The following SLC39A11 variants were observed in gnomAD, a reference collection of about 807,000 sequenced individuals.
The protein encoded by SLC39A11 is zinc transporter ZIP11.
SLC39A11 carries 33 observed loss-of-function variants against 36.1 expected under a neutral mutation model. The observed-to-expected ratio is 0.91, with a 90% CI of 0.69 to 1.22. SLC39A11 has a LOEUF of 1.22. SLC39A11 is among the 50% of genes most tolerant of loss of function. The pLI is 0.00. For synonymous variants in SLC39A11, 166 were observed against 170.3 expected, an observed-to-expected ratio of 0.97 and a Z score of 0.20; for missense variants, 432 against 430.3, an observed-to-expected ratio of 1.00 and a Z score of -0.03.
chr17:72,776,064 T>C (rs1324949104), intron 6 of SLC39A11, among the ~76,000 whole-genome samples: 1 of 152,204 alleles, frequency 6.6e-6, no homozygotes, highest in Non-Finnish European at 1.5e-5. Flanking sequence ...GGAATACAGA[T>C]GGGCAGACCC....
chr17:72,838,733 A>G (rs925316934), intron 6 of SLC39A11, among the ~76,000 whole-genome samples: 2 of 152,182 alleles, frequency 1.3e-5, no homozygotes, highest in African/African-American at 4.8e-5. Flanking sequence ...CATGTGTGAG[A>G]TGGAGTAGGG....
rs911736264 is a variant in SLC39A11 at position 72,666,630 on chromosome 17, G to C, written c.672-17362C>G. ...ATACCTTCACTTATCCTTGGGGCAT[G>C]TGGCCCAAGTTCAAAGCTGAACACC... On this transcript the variant is annotated intron_variant, in intron 7 of 9. Coordinates refer to ENST00000255559, the MANE Select transcript of SLC39A11 (RefSeq NM_139177.4). Among the ~76,000 whole-genome samples the C allele has an allele frequency of 5.3e-5, 8 of 152,320 alleles. No individual in the cohort carries two copies. The South Asian group carries it at 1.7e-3, about 32-fold the overall frequency.
At chr17:72,993,333 AG>A (rs892067990) in intron 4 of SLC39A11, among the ~76,000 whole-genome samples, 45 of 152,232 alleles carry the variant, frequency 3.0e-4, no homozygotes, top group African/African-American at 1.1e-3. Context: ...ACCTCAATAC[AG>A]TTGATTTGAA....
At chr17:72,764,336 G>C (rs1195757880) in intron 6 of SLC39A11, among the ~76,000 whole-genome samples, 1 of 152,132 alleles carries the variant, frequency 6.6e-6, no homozygotes, top group Non-Finnish European at 1.5e-5. Flanking sequence ...GTTCAGCTGT[G>C]GTGGGGACAA....
intron 4 of SLC39A11, among the ~76,000 whole-genome samples, chr17:72,975,588 T>C (rs927112454): frequency 6.6e-6 from 1 of 152,224 alleles, no homozygotes; most frequent in African/African-American, 2.4e-5. Flanking sequence ...GCTGCTGCCT[T>C]GACCTTGGAC....
intron 5 of SLC39A11, among the ~76,000 whole-genome samples, chr17:72,891,034 T>C (rs1303939696): frequency 6.6e-6 from 1 of 151,286 alleles, no homozygotes; most frequent in Non-Finnish European, 1.5e-5. Context: ...AGCTCTCACG[T>C]ACCTGTATTT....
At chr17:72,966,567 A>G (rs1373266267) in intron 4 of SLC39A11, among the ~76,000 whole-genome samples, 12 of 77,168 alleles carry the variant, frequency 1.6e-4, no homozygotes, top group African/African-American at 4.5e-4. Context: ...TTTTTTTGTT[A>G]TTGTTGTTGT....
chr17:72,941,933 T>C (rs2085132057), intron 5 of SLC39A11, among the ~76,000 whole-genome samples: 1 of 151,796 alleles, frequency 6.6e-6, no homozygotes, highest in Non-Finnish European at 1.5e-5. Flanking sequence ...CAGGCTGGAG[T>C]GCAGTGGCAC....
At chr17:72,738,648 C>A (rs913465173) in intron 6 of SLC39A11, among the ~76,000 whole-genome samples, 1 of 152,114 alleles carries the variant, frequency 6.6e-6, no homozygotes, top group Non-Finnish European at 1.5e-5. Flanking sequence ...GTGAAGAGGG[C>A]GATGATTCCC....
At chr17:72,937,436 C>CAG (rs537261551) in intron 5 of SLC39A11, among the ~76,000 whole-genome samples, 4 of 151,182 alleles carry the variant, frequency 2.6e-5, no homozygotes, top group Non-Finnish European at 5.9e-5. Context: ...GTCTGGGCAA[C>CAG]AGAGAGAGAG....
intron 4 of SLC39A11, among the ~76,000 whole-genome samples, chr17:72,963,938 A>G (rs1190958151): frequency 6.6e-6 from 1 of 152,208 alleles, no homozygotes; most frequent in Non-Finnish European, 1.5e-5. Context: ...AATCCAGCCT[A>G]GATTATATTC....
In SLC39A11 at chr17:72,649,137, T is replaced by C. The variant is rs375887115; in HGVS notation, c.770+33A>G. ...TGAAAGAAGCCCACATGGAGGATGC[T>C]GTGACATGGCCTTGCCCTTGGGCAG... On this transcript the variant is annotated intron_variant, in intron 8 of 9. Transcript: ENST00000255559. The C allele has an allele frequency of 4.0e-5, 64 of 1,597,052 alleles. No individual in the cohort carries two copies. In the African/African-American group the frequency reaches 7.4e-4, roughly 18 times the overall value.
At chr17:72,732,943 C>A (rs955510440) in intron 7 of SLC39A11, among the ~76,000 whole-genome samples, 15 of 152,204 alleles carry the variant, frequency 9.9e-5, no homozygotes, top group African/African-American at 3.4e-4. Flanking sequence ...ATGCCCTATA[C>A]CCCATCTCTC....
intron 5 of SLC39A11, among the ~76,000 whole-genome samples, chr17:72,943,412 T>C (rs564212562): frequency 2.0e-5 from 3 of 152,354 alleles, no homozygotes; most frequent in Non-Finnish European, 2.9e-5. Context: ...AGTTTCATTT[T>C]GCAAAACATG....
At chr17:72,741,924 G>C (rs1276497244) in intron 6 of SLC39A11, among the ~76,000 whole-genome samples, 2 of 152,164 alleles carry the variant, frequency 1.3e-5, no homozygotes, top group African/African-American at 4.8e-5. Context: ...ACCCAGCCGG[G>C]CACAGTGGCT....
intron 5 of SLC39A11, among the ~76,000 whole-genome samples, chr17:72,864,155 C>T (rs1262277199): frequency 6.6e-6 from 1 of 152,228 alleles, no homozygotes; most frequent in Admixed American, 6.5e-5. Context: ...CCGGGGCCAC[C>T]TTTTCTCACA....
intron 5 of SLC39A11, among the ~76,000 whole-genome samples, chr17:72,921,022 A>T (rs1471551339): frequency 1.3e-5 from 2 of 152,110 alleles, no homozygotes; most frequent in Middle Eastern, 3.2e-3. Flanking sequence ...ATGAGAGGGG[A>T]CTTTCATTTC....
At chr17:73,047,331 C>G (rs981799480) in intron 3 of SLC39A11, among the ~76,000 whole-genome samples, 1 of 152,174 alleles carries the variant, frequency 6.6e-6, no homozygotes, top group Non-Finnish European at 1.5e-5. Context: ...GCAAGAAGAA[C>G]CACCTTCTGT....
chr17:73,074,207 T>C (rs2060247726), intron 3 of SLC39A11, among the ~76,000 whole-genome samples: 1 of 151,966 alleles, frequency 6.6e-6, no homozygotes, highest in African/African-American at 2.4e-5. Context: ...GACTGCTCCC[T>C]CCCCTGGACT....
Sources: allele counts gnomAD v4.1 joint callset (sites outside exome capture counted in the v4.1 genomes callset), GRCh38; gene constraint gnomAD v4.1.1; transcripts MANE v1.5; gene names NCBI Gene and HGNC (gene_info 2026-07-23, HGNC 2026-07-21).